Variants in DLGAP1 observed in about 807,000 individuals in gnomAD.
The protein encoded by DLGAP1 is disks large-associated protein 1.
DLGAP1 carries 11 observed loss-of-function variants against 90.8 expected under a neutral mutation model. That is an observed-to-expected ratio of 0.12 (90% CI 0.08 to 0.20). The LOEUF (loss-of-function observed/expected upper bound fraction) is 0.20, where lower values mean the gene tolerates loss of function less well. Among genes scored for constraint, DLGAP1 ranks in the 10% least tolerant of loss-of-function variants. The pLI is 1.00. For missense variants in DLGAP1, 1,050 were observed against 1,333.8 expected (o/e 0.79, Z 3.31); for synonymous variants, 558 against 540.7 (o/e 1.03, Z -0.44).
At chr18:4,154,917 GA>G (rs1388135340) in intron 1 of DLGAP1, among the ~76,000 whole-genome samples, 1 of 152,126 alleles carries the variant, frequency 6.6e-6, no homozygotes, top group Non-Finnish European at 1.5e-5. Context: ...TCATTTTAGT[GA>G]AGACAAATAA....
At chr18:3,644,640 T>C (rs1381322397) in intron 7 of DLGAP1, among the ~76,000 whole-genome samples, 1 of 152,142 alleles carries the variant, frequency 6.6e-6, no homozygotes, top group Non-Finnish European at 1.5e-5. Context: ...CTCGAACTCC[T>C]GACCTCAGAT....
At chr18:3,618,895 T>C (rs964786896) in intron 7 of DLGAP1, among the ~76,000 whole-genome samples, 4 of 149,726 alleles carry the variant, frequency 2.7e-5, no homozygotes, top group Admixed American at 1.3e-4. Context: ...GCCGAGATCG[T>C]GTCACTGCAC....
Position 4,173,350 on chromosome 18 carries a change from C to T in DLGAP1, c.-266-22063G>A, listed in dbSNP as rs188356332. Among the ~76,000 whole-genome samples the T allele has an allele frequency of 4.5e-4, 69 of 152,286 alleles. 3 individuals are homozygous for T. Among genetic ancestry groups the T allele is most frequent in the Middle Eastern group, 3.4e-3 (1 of 294 alleles). ...GTTTCTCTAGAAGCCCATACAATTA[C>T]AATCAGTCAAGGTAGACTTCTGAAC... is the stretch of plus-strand genomic sequence containing the variant. On this transcript the variant is annotated intron_variant, in intron 1 of 12. Coordinates refer to ENST00000315677, the MANE Select transcript of DLGAP1 (RefSeq NM_004746.4).
intron 5 of DLGAP1, among the ~76,000 whole-genome samples, chr18:3,788,348 T>TAG: frequency 6.6e-6 from 1 of 152,260 alleles, no homozygotes; most frequent in African/African-American, 2.4e-5. Context: ...CAGAATAAGC[T>TAG]AGATGTTTTT....
intron 9 of DLGAP1, among the ~76,000 whole-genome samples, chr18:3,547,316 A>AAAT (rs2053113750): frequency 6.6e-6 from 1 of 150,956 alleles, no homozygotes; most frequent in African/African-American, 2.4e-5. Context: ...AAAAAAAAAA[A>AAAT]AAAAAAAGAA....
Position 3,870,603 on chromosome 18 carries a change from T to C in DLGAP1, c.957+8509A>G, listed in dbSNP as rs189858288. On this transcript the variant is annotated intron_variant, in intron 4 of 12. Transcript: ENST00000315677. ...ACACCATACATATTTTATACATAAA[T>C]ACATCTATCTATCTATCTATCTATC... Among the ~76,000 whole-genome samples, 104 of 145,674 alleles carry C rather than the reference T, an allele frequency of 7.1e-4. 1 individual carries two copies. The highest frequency in any genetic ancestry group is 1.2e-3 in the Non-Finnish European group (83 of 66,766).
chr18:4,245,978 A>T (rs1450865558), intron 1 of DLGAP1, among the ~76,000 whole-genome samples: 1 of 147,656 alleles, frequency 6.8e-6, no homozygotes, highest in Non-Finnish European at 1.5e-5. Flanking sequence ...TTAAATATAT[A>T]TTCAAACGTT....
At position 3,858,916 on chromosome 18, in the gene DLGAP1, A is replaced by G. The variant is rs150661047; in HGVS notation, c.957+20196T>C. Among the ~76,000 whole-genome samples the G allele has an allele frequency of 9.6e-4, 147 of 152,340 alleles. 1 individual carries two copies. Among genetic ancestry groups the G allele is most frequent in the African/African-American group, 3.4e-3 (141 of 41,584 alleles). ...TGGTGGATGAAGCTATTGAATGCTT[A>G]TGTTTCAAGAAGAGTGAACAATAGA... On this transcript the variant is annotated intron_variant, in intron 4 of 12. Coordinates refer to ENST00000315677, the MANE Select transcript of DLGAP1 (RefSeq NM_004746.4).
chr18:4,159,665 TA>T (rs967999293), intron 1 of DLGAP1, among the ~76,000 whole-genome samples: 1 of 151,346 alleles, frequency 6.6e-6, no homozygotes, highest in Non-Finnish European at 1.5e-5. Flanking sequence ...GGGTTGAATG[TA>T]AAAAAAAATG....
intron 1 of DLGAP1, among the ~76,000 whole-genome samples, chr18:4,167,174 A>C (rs1424993844): frequency 6.6e-6 from 1 of 152,156 alleles, no homozygotes; most frequent in African/African-American, 2.4e-5. Context: ...TAAATGGCCA[A>C]CTTATATGCC....
chr18:3,981,570 G>C (rs977628888), intron 3 of DLGAP1, among the ~76,000 whole-genome samples: 1 of 152,210 alleles, frequency 6.6e-6, no homozygotes, highest in Non-Finnish European at 1.5e-5. Flanking sequence ...AGGGATGGCA[G>C]GTGATGCCCC....
chr18:4,283,672 G>A (rs2079609271), intron 1 of DLGAP1, among the ~76,000 whole-genome samples: 1 of 152,006 alleles, frequency 6.6e-6, no homozygotes. Context: ...AAATAGTTTG[G>A]GATAAAGACC....
intron 11 of DLGAP1, among the ~76,000 whole-genome samples, chr18:3,503,000 A>AG (rs1218265553): frequency 6.6e-6 from 1 of 152,200 alleles, no homozygotes; most frequent in South Asian, 2.1e-4. Flanking sequence ...GAAAAAAAAA[A>AG]TACAGTGTAT....
At chr18:4,153,259 G>A (rs992835996) in intron 1 of DLGAP1, among the ~76,000 whole-genome samples, 8 of 152,154 alleles carry the variant, frequency 5.3e-5, no homozygotes, top group South Asian at 4.1e-4. Context: ...ATGCAAGATC[G>A]TTTAAATCAG....
intron 1 of DLGAP1, among the ~76,000 whole-genome samples, chr18:4,289,072 A>T (rs1366875318): frequency 6.6e-6 from 1 of 152,182 alleles, no homozygotes; most frequent in African/African-American, 2.4e-5. Flanking sequence ...AGCCCAGGGC[A>T]GGAGTGTTGT....
intron 9 of DLGAP1, among the ~76,000 whole-genome samples, chr18:3,545,642 A>T (rs2052970523): frequency 6.6e-6 from 1 of 152,194 alleles, no homozygotes; most frequent in African/African-American, 2.4e-5. Context: ...AGATCACTTG[A>T]GGCCAGGAGT....
chr18:3,656,992 C>T (rs1163265627), intron 7 of DLGAP1, among the ~76,000 whole-genome samples: 6 of 152,054 alleles, frequency 3.9e-5, no homozygotes, highest in Admixed American at 1.3e-4. Flanking sequence ...GTGATCCGCC[C>T]GCCTCAGCCT....
intron 8 of DLGAP1, among the ~76,000 whole-genome samples, chr18:3,568,772 C>T (rs1034681150): frequency 2.0e-5 from 3 of 151,746 alleles, no homozygotes; most frequent in East Asian, 1.9e-4. Context: ...CCGCAAGCTC[C>T]GCCTCCCAGG....
At chr18:4,205,937 G>A (rs1467155161) in intron 1 of DLGAP1, among the ~76,000 whole-genome samples, 2 of 152,200 alleles carry the variant, frequency 1.3e-5, no homozygotes, top group African/African-American at 4.8e-5. Context: ...TAGAGGGCCG[G>A]TGAGAAGGAA....
Sources: gnomAD v4.1 joint callset for allele counts (sites outside exome capture counted in the v4.1 genomes callset) on GRCh38, gnomAD v4.1.1 for gene constraint, MANE v1.5 for transcripts, NCBI Gene and HGNC (gene_info 2026-07-23, HGNC 2026-07-21) for gene names.